LINGO1: variants seen among roughly 807,000 people sequenced by gnomAD.
LINGO1 encodes the protein leucine rich repeat and Ig domain containing 1.
Under a neutral mutation model 37.3 loss-of-function variants are expected in LINGO1, and 11 were observed. The observed-to-expected ratio is 0.29, with a 90% CI of 0.19 to 0.49. LINGO1 has a LOEUF of 0.49. Ranked by LOEUF, LINGO1 falls within the 20% of genes least tolerant of loss-of-function variation. LINGO1 has a pLI of 0.99. For missense variants in LINGO1, 585 were observed against 878.2 expected (o/e 0.67, Z 4.22); for synonymous variants, 387 against 403.0 (o/e 0.96, Z 0.48).
At chr15:77,692,699 G>A (rs990261574) in intron 1 of LINGO1, among the ~76,000 whole-genome samples, 2 of 152,108 alleles carry the variant, frequency 1.3e-5, no homozygotes, top group Non-Finnish European at 2.9e-5. Context: ...CCTCACCTCC[G>A]AGGGCAGCAG....
chr15:77,713,210 T>TTTTGTGTGTG (rs1241253175), intron 2 of LINGO1, among the ~76,000 whole-genome samples: 98 of 123,810 alleles, frequency 7.9e-4, no homozygotes, highest in African/African-American at 3.0e-3. Context: ...GCCCAGCTAA[T>TTTTGTGTGTG]TGTGTGTGTG....
chr15:77,706,581 C>A, intron 2 of LINGO1, among the ~76,000 whole-genome samples: 1 of 152,142 alleles, frequency 6.6e-6, no homozygotes. Flanking sequence ...CCTGAACACA[C>A]CAAGGTTCTC....
intron 3 of LINGO1, among the ~76,000 whole-genome samples, chr15:77,671,600 C>G (rs1416111559): frequency 6.6e-6 from 1 of 152,212 alleles, no homozygotes; most frequent in African/African-American, 2.4e-5. Context: ...GGTCCGGTCT[C>G]CTTCCTATTC....
At chr15:77,769,694 G>A (rs1042721519) in intron 1 of LINGO1, among the ~76,000 whole-genome samples, 10 of 152,124 alleles carry the variant, frequency 6.6e-5, no homozygotes, top group African/African-American at 1.9e-4. Flanking sequence ...ATCCCCACTC[G>A]ACAGTGCTGG....
chr15:77,698,869 G>A (rs1178741238), upstream of LINGO1, among the ~76,000 whole-genome samples: 2 of 152,162 alleles, frequency 1.3e-5, no homozygotes, highest in African/African-American at 2.4e-5. Flanking sequence ...GAGGGGAGAC[G>A]TGCAGGCAGA....
intron 3 of LINGO1, among the ~76,000 whole-genome samples, chr15:77,664,170 T>TGTGCGTGC: frequency 7.6e-6 from 1 of 130,946 alleles, no homozygotes; most frequent in Non-Finnish European, 1.5e-5. Context: ...TGTGTGTGTG[T>TGTGCGTGC]GCGCGCGCGC....
rs375660966 is a variant in LINGO1 at position 77,639,674 on chromosome 15, A to T, written c.-12-23774T>A. 2.4e-4 allele frequency among the ~76,000 whole-genome samples: 36 copies of T among 152,356 alleles called. 1 individual carries two copies. The South Asian group carries it at 5.8e-3, about 25-fold the overall frequency. The stretch of plus-strand genomic sequence containing the variant: ...CTATGTTGGAGTTACTTGCATCAGC[A>T]TAGGTGATCTCATAAACACGATGTG... On this transcript the variant is annotated intron_variant, in intron 3 of 3. Transcript: ENST00000559893.
chr15:77,790,469 G>A (rs188259294), upstream of LINGO1, among the ~76,000 whole-genome samples: 31 of 152,328 alleles, frequency 2.0e-4, no homozygotes, highest in East Asian at 4.1e-3. Context: ...CACACAGAGG[G>A]GCTGGGTGGT....
chr15:77,741,529 C>T (rs2076264248), intron 1 of LINGO1, among the ~76,000 whole-genome samples: 1 of 152,180 alleles, frequency 6.6e-6, no homozygotes, highest in Non-Finnish European at 1.5e-5. Flanking sequence ...CCCCAGCATC[C>T]CCAAGAGCAG....
intron 3 of LINGO1, among the ~76,000 whole-genome samples, chr15:77,674,235 T>C (rs962815536): frequency 7.2e-5 from 11 of 152,148 alleles, no homozygotes; most frequent in African/African-American, 1.9e-4. Context: ...ACCTTGAGCA[T>C]ACATGTGGAA....
intron 3 of LINGO1, among the ~76,000 whole-genome samples, chr15:77,666,452 T>A (rs762669561): frequency 6.6e-6 from 1 of 152,184 alleles, no homozygotes; most frequent in Non-Finnish European, 1.5e-5. Flanking sequence ...ATCTGCTGAT[T>A]ACCGTGAGCC....
At chr15:77,638,438 T>A (rs1488800375), upstream of LINGO1, among the ~76,000 whole-genome samples, 1 of 152,174 alleles carries the variant, frequency 6.6e-6, no homozygotes, top group Non-Finnish European at 1.5e-5. Flanking sequence ...GTAAGATCAC[T>A]CCCTGGCTCC....
chr15:77,750,078 A>G (rs2076355675), intron 1 of LINGO1, among the ~76,000 whole-genome samples: 1 of 151,560 alleles, frequency 6.6e-6, no homozygotes, highest in Admixed American at 6.6e-5. Flanking sequence ...CCCCTCACCC[A>G]CCCCTGGGGC....
chr15:77,639,737 C>A (rs2074463528), intron 3 of LINGO1, among the ~76,000 whole-genome samples: 1 of 152,194 alleles, frequency 6.6e-6, no homozygotes, highest in South Asian at 2.1e-4. Context: ...CCATTTATCT[C>A]AAGTTTAAAA....
At chr15:77,638,420 T>C (rs2074437422), upstream of LINGO1, among the ~76,000 whole-genome samples, 1 of 151,938 alleles carries the variant, frequency 6.6e-6, no homozygotes, top group African/African-American at 2.4e-5. Context: ...AAAAAACAAA[T>C]AGAAAATGTA....
rs374363075 is a variant in LINGO1, at chr15:77,690,092, G to A, written c.-99+628C>T. Among the ~76,000 whole-genome samples the A allele has an allele frequency of 1.4e-4, 22 of 152,288 alleles. No homozygotes were observed. In the East Asian group the frequency reaches 1.9e-3, roughly 13 times the overall value. On this transcript the variant is annotated intron_variant, in intron 2 of 3. Transcript: ENST00000559893. ...CATCTAGAATGATTATTTGTTATTTGCCTTCCCTAGTTGGGGAGGGGTCTC... is the reference window on the plus strand; with the variant it reads ...CATCTAGAATGATTATTTGTTATTTACCTTCCCTAGTTGGGGAGGGGTCTC...
At chr15:77,729,697 G>T (rs568977435) in intron 2 of LINGO1, among the ~76,000 whole-genome samples, 190 of 152,348 alleles carry the variant, frequency 1.2e-3, no homozygotes, top group African/African-American at 4.4e-3. Context: ...GCTCCTCCAG[G>T]AAACCTACTC....
At chr15:77,757,537 G>A (rs1363448538) in intron 1 of LINGO1, among the ~76,000 whole-genome samples, 1 of 152,220 alleles carries the variant, frequency 6.6e-6, no homozygotes, top group Non-Finnish European at 1.5e-5. Flanking sequence ...CCAAGTCAAG[G>A]TGTCTTTTAA....
chr15:77,810,403 G>A (rs145706657), intron 1 of LINGO1, among the ~76,000 whole-genome samples: 3 of 152,154 alleles, frequency 2.0e-5, no homozygotes, highest in Non-Finnish European at 4.4e-5. Context: ...AGCGAGGAGG[G>A]CAGACTCTAA....
Sources: gnomAD v4.1 joint callset for allele counts (sites outside exome capture counted in the v4.1 genomes callset) on GRCh38, gnomAD v4.1.1 for gene constraint, MANE v1.5 for transcripts, NCBI Gene and HGNC (gene_info 2026-07-23, HGNC 2026-07-21) for gene names.